The following SYT17 variants were observed in gnomAD, a reference collection of about 807,000 sequenced individuals.
SYT17 encodes the protein synaptotagmin-17.
SYT17 carries 22 observed loss-of-function variants against 46.7 expected under a neutral mutation model. The observed-to-expected ratio is 0.47, with a 90% CI of 0.34 to 0.67. The LOEUF is 0.67. SYT17 is among the 30% of genes least tolerant of loss of function. The pLI is 0.01. For synonymous variants in SYT17, 251 were observed against 248.4 expected (o/e 1.01, Z -0.10); for missense variants, 519 against 612.8 (o/e 0.85, Z 1.62).
At chr16:19,208,884 CTTTTTTTTTTTTTT>C (rs1191498524) in intron 5 of SYT17, among the ~76,000 whole-genome samples, 3 of 63,312 alleles carry the variant, frequency 4.7e-5, no homozygotes, top group Admixed American at 2.2e-4. Flanking sequence ...CAAGGACCTT[CTTTTTTTTTTTTTT>C]TTTTTTTTTT....
At chr16:19,195,852 A>G (rs1174403739) in intron 5 of SYT17, among the ~76,000 whole-genome samples, 1 of 152,082 alleles carries the variant, frequency 6.6e-6, no homozygotes, top group African/African-American at 2.4e-5. Flanking sequence ...TGATGTGGTG[A>G]TGCACATCCA....
chr16:19,208,912 A>G (rs1285192485), intron 5 of SYT17, among the ~76,000 whole-genome samples: 1 of 10,186 alleles, frequency 9.8e-5, no homozygotes, highest in African/African-American at 5.9e-4. Flanking sequence ...TTTTTTTTTG[A>G]GACAGAGTCT....
intron 7 of SYT17, among the ~76,000 whole-genome samples, chr16:19,238,051 G>A (rs1164058607): frequency 6.6e-6 from 1 of 152,234 alleles, no homozygotes; most frequent in African/African-American, 2.4e-5. Context: ...CAGCTGTTGA[G>A]AGGAGAATCA....
At chr16:19,172,255 T>C in intron 1 of SYT17, 1 of 1,030,736 alleles carries the variant, frequency 9.7e-7, no homozygotes, top group Non-Finnish European at 1.2e-6. Context: ...TGGGTGGTGA[T>C]AGGAAACACC....
chr16:19,178,634 T>C (rs1964418136), intron 3 of SYT17, among the ~76,000 whole-genome samples: 1 of 152,180 alleles, frequency 6.6e-6, no homozygotes, highest in African/African-American at 2.4e-5. Flanking sequence ...TCTCATCTCA[T>C]GCACAGGATG....
intron 5 of SYT17, among the ~76,000 whole-genome samples, chr16:19,221,727 A>G (rs1313965634): frequency 6.6e-6 from 1 of 152,228 alleles, no homozygotes; most frequent in Non-Finnish European, 1.5e-5. Context: ...CTGGCATCAA[A>G]AAAGATAGAG....
chr16:19,191,287 A>AC (rs1184375167), intron 5 of SYT17, among the ~76,000 whole-genome samples: 1 of 152,030 alleles, frequency 6.6e-6, no homozygotes, highest in Admixed American at 6.6e-5. Flanking sequence ...TGAAATCCTA[A>AC]CCCCGAGGGG....
chr16:19,231,468 G>A (rs1567223337), intron 7 of SYT17, among the ~76,000 whole-genome samples: 1 of 139,332 alleles, frequency 7.2e-6, no homozygotes, highest in Non-Finnish European at 1.5e-5. Flanking sequence ...CTACTCGGGA[G>A]GCTAAGATCA....
At chr16:19,202,376 A>G (rs1037011777) in intron 5 of SYT17, among the ~76,000 whole-genome samples, 2 of 152,238 alleles carry the variant, frequency 1.3e-5, no homozygotes, top group Non-Finnish European at 2.9e-5. Context: ...AGCCAAGTAG[A>G]AAGGATGCAT....
intron 3 of SYT17, 64 bp from the exon 4 acceptor site, chr16:19,180,327 G>C: frequency 6.3e-7 from 1 of 1,588,356 alleles, no homozygotes; most frequent in Non-Finnish European, 8.6e-7. Flanking sequence ...TAACCCCCAA[G>C]GGACAGAGAT....
At chr16:19,259,210 A>G (rs935610562) in intron 7 of SYT17, among the ~76,000 whole-genome samples, 1 of 152,178 alleles carries the variant, frequency 6.6e-6, no homozygotes, top group Non-Finnish European at 1.5e-5. Context: ...GTACCGTGCA[A>G]GGTGTTACTC....
chr16:19,211,330 G>T, intron 5 of SYT17: 1 of 688,796 alleles, frequency 1.5e-6, no homozygotes. Context: ...CTCTCGGCCC[G>T]TGGTGTGGCA....
At chr16:19,257,142 A>T (rs1362449279) in intron 7 of SYT17, among the ~76,000 whole-genome samples, 2 of 152,186 alleles carry the variant, frequency 1.3e-5, no homozygotes, top group Non-Finnish European at 2.9e-5. Context: ...TAATTATTAT[A>T]ATAAAGTTAA....
rs112082282 is a variant in SYT17, at chr16:19,236,008, G to A, written c.1228+11170G>A. 2.6e-5 allele frequency among the ~76,000 whole-genome samples: 4 copies of A among 152,290 alleles called. 1 individual carries two copies. Among genetic ancestry groups the A allele is most frequent in the African/African-American group, 9.6e-5 (4 of 41,556 alleles). ...CATTTATGTCACATGAATCCCAGAA[G>A]GAAAGAAGAAAAAACAGTGGGGAGC... On this transcript the variant is annotated intron_variant, in intron 7 of 7. Transcript: ENST00000355377.
chr16:19,190,083 A>T (rs138393598), intron 5 of SYT17, among the ~76,000 whole-genome samples: 370 of 152,366 alleles, frequency 2.4e-3, no homozygotes, highest in African/African-American at 8.1e-3. Flanking sequence ...TGACATAGAC[A>T]TGAAATTACA....
chr16:19,211,446 G>A, intron 5 of SYT17: 1 of 703,800 alleles, frequency 1.4e-6, no homozygotes. Context: ...CCTTTATGGA[G>A]AAAAAGGTAA....
intron 7 of SYT17, among the ~76,000 whole-genome samples, chr16:19,260,867 T>A (rs1343055322): frequency 6.6e-6 from 1 of 152,216 alleles, no homozygotes; most frequent in African/African-American, 2.4e-5. Flanking sequence ...AGGAATTGGC[T>A]TCATTCACAG....
chr16:19,256,556 CTATTAT>C (rs66644033), intron 7 of SYT17, among the ~76,000 whole-genome samples: 40,176 of 144,430 alleles, frequency 0.28, 6,412 homozygotes, highest in Middle Eastern at 0.39. Flanking sequence ...ATGGGTGAGT[CTATTAT>C]TATTATTATT....
intron 4 of SYT17, among the ~76,000 whole-genome samples, chr16:19,182,778 G>A (rs559285014): frequency 6.6e-6 from 1 of 152,324 alleles, no homozygotes; most frequent in South Asian, 2.1e-4. Context: ...GGAGAGAGGC[G>A]GCCCGTAAGC....
Sources: gnomAD v4.1 joint callset for allele counts (sites outside exome capture counted in the v4.1 genomes callset) on GRCh38, gnomAD v4.1.1 for gene constraint, MANE v1.5 for transcripts, NCBI Gene and HGNC (gene_info 2026-07-23, HGNC 2026-07-21) for gene names.